The following ARHGAP17 variants were observed in gnomAD, a reference collection of about 807,000 sequenced individuals.
ARHGAP17 encodes rho GTPase-activating protein 17.
Under a neutral mutation model 99.5 loss-of-function variants are expected in ARHGAP17, and 57 were observed. The observed-to-expected ratio is 0.57, with a 90% CI of 0.46 to 0.71. The LOEUF (loss-of-function observed/expected upper bound fraction) is 0.71. ARHGAP17 is among the 30% of genes least tolerant of loss of function. The pLI is 0.00. For synonymous variants in ARHGAP17, 417 were observed against 429.6 expected, an observed-to-expected ratio of 0.97 and a Z score of 0.36; for missense variants, 1,000 against 1,122.4, an observed-to-expected ratio of 0.89 and a Z score of 1.56.
chr16:24,982,387 G>T (rs150642252), intron 1 of ARHGAP17, among the ~76,000 whole-genome samples: 5 of 151,568 alleles, frequency 3.3e-5, no homozygotes, highest in African/African-American at 1.2e-4. Flanking sequence ...CTAGGCAACA[G>T]AGCAAGACTC....
chr16:24,958,407 T>C (rs1032806490), intron 9 of ARHGAP17, among the ~76,000 whole-genome samples: 2 of 152,232 alleles, frequency 1.3e-5, no homozygotes, highest in Admixed American at 6.5e-5. Flanking sequence ...ATAAATATAT[T>C]TTCTTGGTCC....
At chr16:24,930,686 T>G in intron 19 of ARHGAP17, 98 bp downstream of exon 19, 4 of 1,608,024 alleles carry the variant, frequency 2.5e-6, no homozygotes, top group Non-Finnish European at 3.4e-6. Context: ...GGGTGTAGTT[T>G]GCTGACACCT....
chr16:24,949,389 C>G lies in ARHGAP17; in HGVS notation c.1127+15G>C. 6.2e-7 allele frequency: 1 copy of G among 1,605,894 alleles called. No individual in the cohort carries two copies. The highest frequency in any genetic ancestry group is 8.5e-7 in the Non-Finnish European group (1 of 1,174,220). ...TATCTTCACTCCAGAGTCATTGTAG[C>G]TCAATCATACATACCTAAAGTTAAC... On this transcript the variant is annotated intron_variant, in intron 13 of 19. Transcript: ENST00000289968.
chr16:24,952,184 C>T (rs533832300), intron 12 of ARHGAP17, 105 bp downstream of exon 12: 25 of 741,464 alleles, frequency 3.4e-5, no homozygotes, highest in African/African-American at 1.1e-4. Flanking sequence ...TTAACAAATA[C>T]GCTATTTTAA....
chr16:24,976,021 G>A (rs537373958), intron 3 of ARHGAP17, among the ~76,000 whole-genome samples: 6 of 150,104 alleles, frequency 4.0e-5, no homozygotes, highest in Non-Finnish European at 8.9e-5. Flanking sequence ...CTAGGAGTAG[G>A]ACCACAGCCC....
At chr16:24,928,148 C>T (rs946790529) in intron 19 of ARHGAP17, among the ~76,000 whole-genome samples, 2 of 152,140 alleles carry the variant, frequency 1.3e-5, no homozygotes, top group African/African-American at 4.8e-5. Context: ...CTTGAAAAAC[C>T]CAATGGCTAC....
chr16:25,006,151 T>A (rs1021081750), intron 1 of ARHGAP17, among the ~76,000 whole-genome samples: 1 of 151,570 alleles, frequency 6.6e-6, no homozygotes, highest in African/African-American at 2.4e-5. Flanking sequence ...TGACTCCAAG[T>A]GAAAAATAAT....
At chr16:24,931,917 G>C (rs997863636) in intron 18 of ARHGAP17, among the ~76,000 whole-genome samples, 1 of 152,068 alleles carries the variant, frequency 6.6e-6, no homozygotes, top group Non-Finnish European at 1.5e-5. Context: ...GGAGTTCAAG[G>C]CCAGCCTGAG....
Position 24,920,204 on chromosome 16 carries a change from CTG to C in ARHGAP17, c.2570_2571del (p.Ser857Ter), listed in dbSNP as rs1435481277. ...PHRSIFPEMHSDSASKDVPGR... is the reference protein window; with the variant it reads ...PHRSIFPEMHXDSASKDVPGR... Reference sequence around the variant, plus strand: ...CCAGGCACGTCTTTGCTGGCTGAGTCTGAGTGCATTTCAGGAAAGATGCTGCG... The same window carrying C: ...CCAGGCACGTCTTTGCTGGCTGAGTCAGTGCATTTCAGGAAAGATGCTGCG... On this transcript the variant is annotated frameshift_variant, in exon 20 of 20. Transcript: ENST00000289968. LOFTEE classifies it high-confidence loss of function. 3.1e-6 allele frequency: 5 copies of C among 1,614,014 alleles called. No homozygotes were observed. In the Admixed American group the frequency reaches 6.7e-5, roughly 22 times the overall value.
intron 12 of ARHGAP17, among the ~76,000 whole-genome samples, chr16:24,950,958 T>C (rs965580588): frequency 1.3e-5 from 2 of 152,052 alleles, no homozygotes; most frequent in East Asian, 1.9e-4. Context: ...TATTTGATCA[T>C]GGCCTGCCTG....
At chr16:24,988,022 G>C (rs1186455362) in intron 1 of ARHGAP17, among the ~76,000 whole-genome samples, 1 of 152,182 alleles carries the variant, frequency 6.6e-6, no homozygotes, top group Non-Finnish European at 1.5e-5. Context: ...TCATTCTGCT[G>C]GGAATCTGAT....
At chr16:25,001,831 C>T (rs894264042) in intron 1 of ARHGAP17, among the ~76,000 whole-genome samples, 1 of 152,156 alleles carries the variant, frequency 6.6e-6, no homozygotes, top group Non-Finnish European at 1.5e-5. Flanking sequence ...TGCCTGCAAT[C>T]CCAGCACTTT....
chr16:25,013,568 G>A (rs1281431610), intron 1 of ARHGAP17, among the ~76,000 whole-genome samples: 2 of 151,516 alleles, frequency 1.3e-5, no homozygotes, highest in African/African-American at 2.4e-5. Context: ...GCTGCAATGA[G>A]ACAAGATCGC....
intron 1 of ARHGAP17, among the ~76,000 whole-genome samples, chr16:24,997,704 T>C (rs1404163460): frequency 6.6e-6 from 1 of 151,270 alleles, no homozygotes; most frequent in Non-Finnish European, 1.5e-5. Context: ...GGACAGGAAG[T>C]GAGGGGGAGG....
chr16:24,942,596 G>A (rs551920956), intron 15 of ARHGAP17, among the ~76,000 whole-genome samples: 14 of 151,848 alleles, frequency 9.2e-5, no homozygotes, highest in East Asian at 1.9e-4. Flanking sequence ...GTGAAACCCC[G>A]TCTCTACTAA....
chr16:25,015,279 C>T lies in ARHGAP17; in HGVS notation c.-18G>A. On this transcript the variant is annotated 5_prime_UTR_variant, in exon 1 of 20. Coordinates refer to ENST00000289968, the MANE Select transcript of ARHGAP17 (RefSeq NM_001006634.3). ...TTCTTCATGGCGGCGGTGGCGGCGG[C>T]GGCCCGCGGGGCTCGGGCCGGGCAG... 2.3e-6 allele frequency: 3 copies of T among 1,332,210 alleles called. No individual in the cohort carries two copies. The highest frequency in any genetic ancestry group is 3.1e-5 in the Admixed American group (1 of 32,484). The allele number at this position is 1,332,210 out of a possible 1,614,324, so 82.5% of individuals were successfully genotyped here.
At chr16:24,960,733 T>C (rs1195004762) in intron 7 of ARHGAP17, among the ~76,000 whole-genome samples, 2 of 149,232 alleles carry the variant, frequency 1.3e-5, no homozygotes, top group African/African-American at 4.9e-5. Context: ...AGGAGAATGG[T>C]GTGAACCCGG....
intron 3 of ARHGAP17, 128 bp from the exon 4 acceptor site, chr16:24,970,708 G>C (rs922255691): frequency 5.0e-6 from 4 of 802,628 alleles, no homozygotes; most frequent in Non-Finnish European, 8.4e-6. Context: ...AGCCTGTCTG[G>C]GTTCAGGTTC....
At chr16:24,929,849 G>A (rs1331175474) in intron 19 of ARHGAP17, among the ~76,000 whole-genome samples, 2 of 152,114 alleles carry the variant, frequency 1.3e-5, no homozygotes, top group Non-Finnish European at 2.9e-5. Flanking sequence ...GGAAACCTTG[G>A]CACATTTTTA....
Sources: gnomAD v4.1 joint callset for allele counts (sites outside exome capture counted in the v4.1 genomes callset) on GRCh38, gnomAD v4.1.1 for gene constraint, MANE v1.5 for transcripts, NCBI Gene and HGNC (gene_info 2026-07-23, HGNC 2026-07-21) for gene names.